The following NRG4 variants were observed in gnomAD, a reference collection of about 807,000 sequenced individuals.
NRG4 encodes neuregulin 4.
Under a neutral mutation model 15.0 loss-of-function variants are expected in NRG4, and 10 were observed. That is an observed-to-expected ratio of 0.67 (90% confidence interval 0.41 to 1.13). NRG4 has a LOEUF of 1.13. Ranked by LOEUF, NRG4 falls within the 50% of genes most tolerant of loss-of-function variation. The pLI, the probability that NRG4 is intolerant of heterozygous loss-of-function variation, is 0.00. For missense variants in NRG4, 139 were observed against 140.2 expected (o/e 0.99, Z 0.04); for synonymous variants, 41 against 50.1 (o/e 0.82, Z 0.77).
intron 3 of NRG4, chr15:75,969,073 C>T (rs2032970945): frequency 2.6e-6 from 1 of 387,686 alleles, no homozygotes; most frequent in Non-Finnish European, 5.2e-6. Context: ...CTTAAATCAC[C>T]AGACACTCAA....
At chr15:75,949,592 A>T (rs2031757532) in intron 5 of NRG4, among the ~76,000 whole-genome samples, 1 of 152,148 alleles carries the variant, frequency 6.6e-6, no homozygotes, top group African/African-American at 2.4e-5. Flanking sequence ...TTAAATTTAC[A>T]TGAAGCCCAA....
chr15:76,037,025 A>G (rs1468842083), intron 4 of NRG4, among the ~76,000 whole-genome samples: 2 of 152,248 alleles, frequency 1.3e-5, no homozygotes, highest in East Asian at 3.8e-4. Flanking sequence ...TTGAGCTAAT[A>G]AACTCAGTAA....
chr15:75,971,006 T>C (rs193178065), intron 3 of NRG4, among the ~76,000 whole-genome samples: 90 of 152,360 alleles, frequency 5.9e-4, no homozygotes, highest in African/African-American at 2.0e-3. Context: ...TATAAATACC[T>C]GTGATTTTCA....
At chr15:75,953,974 A>AGAGTGCCAGGCCTTTGTTGAAATTTTTAT (rs1387714035) in intron 5 of NRG4, among the ~76,000 whole-genome samples, 52 of 152,324 alleles carry the variant, frequency 3.4e-4, no homozygotes, top group African/African-American at 1.1e-3. Flanking sequence ...GGCGTGAGCC[A>AGAGTGCCAGGCCTTTGTTGAAATTTTTAT]GAGTGCCAGG....
chr15:75,998,492 C>T (rs948914690), intron 3 of NRG4, among the ~76,000 whole-genome samples: 1 of 152,062 alleles, frequency 6.6e-6, no homozygotes, highest in African/African-American at 2.4e-5. Flanking sequence ...CTGGAACTTT[C>T]CTGGCATCAG....
chr15:75,995,390 C>A (rs760495423), intron 3 of NRG4, among the ~76,000 whole-genome samples: 3 of 151,868 alleles, frequency 2.0e-5, no homozygotes, highest in Non-Finnish European at 2.9e-5. Flanking sequence ...AGGGGAAGAC[C>A]ACAGACTCTT....
chr15:76,043,799 T>C (rs576597527), intron 4 of NRG4, among the ~76,000 whole-genome samples: 4 of 152,298 alleles, frequency 2.6e-5, no homozygotes, highest in East Asian at 1.9e-4. Flanking sequence ...CTAAAACTTA[T>C]ATGGAACCAG....
At chr15:75,949,739 C>G (rs1373691174) in intron 5 of NRG4, among the ~76,000 whole-genome samples, 1 of 152,086 alleles carries the variant, frequency 6.6e-6, no homozygotes, top group Non-Finnish European at 1.5e-5. Context: ...TATTTAGACC[C>G]ATTTTGAATT....
chr15:75,966,698 A>G (rs1418113938), intron 3 of NRG4, among the ~76,000 whole-genome samples: 3 of 152,118 alleles, frequency 2.0e-5, no homozygotes, highest in East Asian at 1.9e-4. Flanking sequence ...GCATACGTCA[A>G]ATCTGGCTTC....
Position 75,967,939 on chromosome 15 carries a change from TCTTAG to T in NRG4, c.105-5970_105-5966del, listed in dbSNP as rs2032896963. Among the ~76,000 whole-genome samples the T allele has an allele frequency of 2.6e-5, 4 of 152,376 alleles. No individual in the cohort carries two copies. In the South Asian group the frequency reaches 8.3e-4, roughly 32 times the overall value. On this transcript the variant is annotated intron_variant, in intron 3 of 5. Coordinates refer to ENST00000394907, the MANE Select transcript of NRG4 (RefSeq NM_138573.4). ...AATTTCATTGTGAAGGACTATAATT[TCTTAG>T]CTTAAGTAAGTCATTGAAAATTTGA...
upstream of NRG4, among the ~76,000 whole-genome samples, chr15:76,017,103 C>A (rs145336917): frequency 1.7e-4 from 21 of 123,854 alleles, no homozygotes; most frequent in African/African-American, 6.2e-4. Flanking sequence ...TTCTTTTGAT[C>A]TTTGTTGGTT....
rs534802475 is a variant in NRG4 at position 75,983,693 on chromosome 15, T to G, written c.105-21719A>C. ...TAACATAAAGAAATCACTAGCTTTCTTATATACAGACAATAATTAGAAGAT... is the reference window on the plus strand; with the variant it reads ...TAACATAAAGAAATCACTAGCTTTCGTATATACAGACAATAATTAGAAGAT... On this transcript the variant is annotated intron_variant, in intron 3 of 5. Transcript: ENST00000394907. 9.2e-5 allele frequency among the ~76,000 whole-genome samples: 14 copies of G among 152,200 alleles called. No individual in the cohort carries two copies. In the East Asian group the frequency reaches 2.3e-3, roughly 25 times the overall value.
In NRG4 at chr15:75,941,249, T is replaced by C. The variant is rs1247839242; in HGVS notation, c.*2389A>G. ...CATTGAGATACCACTTCATACCCAC[T>C]GGGATAGCTCTTATTAAAATTAAAA... is the stretch of plus-strand genomic sequence containing the variant. On this transcript the variant is annotated 3_prime_UTR_variant, in exon 6 of 6. Transcript: ENST00000394907. 6.6e-6 allele frequency: 1 copy of C among 152,106 alleles called. No individual in the cohort carries two copies. Among genetic ancestry groups the C allele is most frequent in the African/African-American group, 2.4e-5 (1 of 41,420 alleles). The allele number at this position is 152,106 out of a possible 1,614,324, so 9.4% of individuals were successfully genotyped here.
chr15:76,040,934 T>C (rs1272547231), intron 4 of NRG4, among the ~76,000 whole-genome samples: 1 of 152,038 alleles, frequency 6.6e-6, no homozygotes, highest in East Asian at 1.9e-4. Flanking sequence ...CAAATAATAA[T>C]GATAATAATA....
At chr15:76,040,380 T>G (rs1275662625) in intron 4 of NRG4, among the ~76,000 whole-genome samples, 1 of 152,028 alleles carries the variant, frequency 6.6e-6, no homozygotes, top group Non-Finnish European at 1.5e-5. Context: ...AAGCAAAAGC[T>G]AAGGGATTTC....
intron 3 of NRG4, 120 bp from the exon 4 acceptor site, chr15:75,962,094 G>T: frequency 1.6e-6 from 1 of 632,056 alleles, no homozygotes. Flanking sequence ...TTGTGAACAT[G>T]GAGTAGACAG....
chr15:75,995,374 G>C (rs952654010), intron 3 of NRG4, among the ~76,000 whole-genome samples: 3 of 152,046 alleles, frequency 2.0e-5, no homozygotes, highest in African/African-American at 7.3e-5. Flanking sequence ...GGGAGCAAGA[G>C]AGAAAAGGGG....
At chr15:76,059,361 A>G (rs2036238093) in intron 1 of NRG4, among the ~76,000 whole-genome samples, 1 of 152,150 alleles carries the variant, frequency 6.6e-6, no homozygotes, top group South Asian at 2.1e-4. Context: ...CTCCAAGCGC[A>G]GCGGGCACTG....
At chr15:75,952,916 A>C (rs1205511778) in intron 5 of NRG4, among the ~76,000 whole-genome samples, 1 of 152,206 alleles carries the variant, frequency 6.6e-6, no homozygotes, top group Non-Finnish European at 1.5e-5. Context: ...GATCATATGT[A>C]TAAGTCTCAT....
Sources: gnomAD v4.1 joint callset for allele counts (sites outside exome capture counted in the v4.1 genomes callset) on GRCh38, gnomAD v4.1.1 for gene constraint, MANE v1.5 for transcripts, NCBI Gene and HGNC (gene_info 2026-07-23, HGNC 2026-07-21) for gene names.